Variants in SLC5A12 observed in about 807,000 individuals in gnomAD.
SLC5A12 encodes the protein sodium-coupled monocarboxylate transporter 2.
Under a neutral mutation model 72.7 loss-of-function variants are expected in SLC5A12, and 46 were observed. That is an observed-to-expected ratio of 0.63 (90% CI 0.50 to 0.81). The LOEUF (loss-of-function observed/expected upper bound fraction) is 0.81. Among genes scored for constraint, SLC5A12 ranks in the 30% least tolerant of loss-of-function variants. SLC5A12 has a pLI of 0.00. For synonymous variants in SLC5A12, 275 were observed against 264.4 expected, an observed-to-expected ratio of 1.04 and a Z score of -0.39; for missense variants, 683 against 740.7, an observed-to-expected ratio of 0.92 and a Z score of 0.90.
rs191210310 is a variant in SLC5A12 at position 26,714,499 on chromosome 11, G to A, written c.340-1793C>T. On this transcript the variant is annotated intron_variant, in intron 1 of 14. Coordinates refer to ENST00000396005, the MANE Select transcript of SLC5A12 (RefSeq NM_178498.4). ...TCTCATTTACTGTTTTGGAGATTAG[G>A]AAAAGTTTTTCTCAGTAAGTATTCT... Among the ~76,000 whole-genome samples, 3 of 152,136 alleles carry A rather than the reference G, an allele frequency of 2.0e-5. No homozygotes were observed. The East Asian group carries it at 5.8e-4, about 29-fold the overall frequency.
In SLC5A12 at chr11:26,692,742, T is replaced by C. The variant is rs943375179; in HGVS notation, c.1041-141A>G. On this transcript the variant is annotated intron_variant, in intron 8 of 14. Coordinates refer to ENST00000396005, the MANE Select transcript of SLC5A12 (RefSeq NM_178498.4). ...TATATCTCTATCTTCTGAGACTCCA[T>C]GGGAACTATATGGCCTCTTTACTCA... 3 of 602,180 alleles carry C rather than the reference T, an allele frequency of 5.0e-6. 1 individual carries two copies. In the African/African-American group the frequency reaches 5.6e-5, roughly 11 times the overall value. 37.3% of individuals were successfully genotyped at this position (602,180 alleles called of 1,614,324 possible).
At chr11:26,672,928 C>G (rs1357854896) in intron 14 of SLC5A12, among the ~76,000 whole-genome samples, 3 of 152,106 alleles carry the variant, frequency 2.0e-5, no homozygotes, top group African/African-American at 7.2e-5. Context: ...CCATGTTGCT[C>G]TGTATAATAC....
At chr11:26,713,744 C>T (rs1450051053) in intron 1 of SLC5A12, among the ~76,000 whole-genome samples, 2 of 152,082 alleles carry the variant, frequency 1.3e-5, no homozygotes, top group Non-Finnish European at 2.9e-5. Flanking sequence ...AATTTGTTGT[C>T]TTTAAACAAC....
rs981051208 is a variant in SLC5A12, at chr11:26,721,825, T to C, written c.-111A>G. On this transcript the variant is annotated 5_prime_UTR_variant, in exon 1 of 15. Coordinates refer to ENST00000396005, the MANE Select transcript of SLC5A12 (RefSeq NM_178498.4). ...GCTTTGCTGAGAGGAGAGACTGTGA[T>C]TCCCTGAAGAAAATGATTACCAGAG... 1.4e-5 allele frequency: 13 copies of C among 918,360 alleles called. No individual in the cohort carries two copies. Among genetic ancestry groups the C allele is most frequent in the Admixed American group, 6.9e-5 (3 of 43,372 alleles). The allele number at this position is 918,360 out of a possible 1,614,324, so 56.9% of individuals were successfully genotyped here.
intron 4 of SLC5A12, among the ~76,000 whole-genome samples, chr11:26,708,710 T>A (rs1590735787): frequency 6.6e-6 from 1 of 152,200 alleles, no homozygotes; most frequent in East Asian, 1.9e-4. Flanking sequence ...AGGTGCTCAA[T>A]GAATGTTTAA....
At chr11:26,706,177 A>G (rs372354721) in intron 4 of SLC5A12, among the ~76,000 whole-genome samples, 18 of 152,158 alleles carry the variant, frequency 1.2e-4, no homozygotes, top group African/African-American at 4.3e-4. Context: ...CGGCAATATG[A>G]GCAAAGGTGA....
Position 26,670,928 on chromosome 11 carries a change from G to C in SLC5A12, c.*174C>G, listed in dbSNP as rs557590498. ...GTTGGAGTCTTTCAAAGAATATCCC[G>C]AGAGACAGTCATTTTGCATGTAGTT... On this transcript the variant is annotated 3_prime_UTR_variant, in exon 15 of 15. Transcript: ENST00000396005. 9.6e-6 allele frequency: 5 copies of C among 519,982 alleles called. No individual in the cohort carries two copies. The highest frequency in any genetic ancestry group is 1.6e-5 in the Non-Finnish European group (5 of 322,324). The allele number at this position is 519,982 out of a possible 1,614,324, so 32.2% of individuals were successfully genotyped here.
intron 13 of SLC5A12, among the ~76,000 whole-genome samples, chr11:26,676,874 G>A (rs1590706706): frequency 2.0e-5 from 3 of 152,066 alleles, no homozygotes; most frequent in South Asian, 2.1e-4. Context: ...TCGAGGTGCC[G>A]TATTTTATCT....
At chr11:26,697,457 A>G (rs1854849769) in intron 7 of SLC5A12, among the ~76,000 whole-genome samples, 1 of 152,102 alleles carries the variant, frequency 6.6e-6, no homozygotes, top group African/African-American at 2.4e-5. Flanking sequence ...CCTGAATGTT[A>G]GCAACTAAGC....
At chr11:26,707,253 A>G (rs1320203611) in intron 4 of SLC5A12, among the ~76,000 whole-genome samples, 2 of 151,652 alleles carry the variant, frequency 1.3e-5, no homozygotes, top group Non-Finnish European at 2.9e-5. Context: ...CTCCATTTGT[A>G]TTTGCTGTTC....
At chr11:26,711,269 A>G in intron 3 of SLC5A12, 38 bp downstream of exon 3, 1 of 1,578,076 alleles carries the variant, frequency 6.3e-7, no homozygotes, top group Admixed American at 1.7e-5. Flanking sequence ...TCAGGCATAA[A>G]AATGGTAAAA....
At chr11:26,710,959 G>T (rs886395517) in intron 3 of SLC5A12, among the ~76,000 whole-genome samples, 4 of 151,862 alleles carry the variant, frequency 2.6e-5, no homozygotes, top group African/African-American at 9.7e-5. Flanking sequence ...TCTACTTCAT[G>T]AGATTACTGA....
intron 13 of SLC5A12, 49 bp downstream of exon 13, chr11:26,678,663 G>T: frequency 7.4e-7 from 1 of 1,344,552 alleles, no homozygotes; most frequent in Non-Finnish European, 1.1e-6. Context: ...ACCAATGCAT[G>T]CATGAGCCCA....
At chr11:26,717,825 T>C (rs1855386784) in intron 1 of SLC5A12, among the ~76,000 whole-genome samples, 1 of 152,178 alleles carries the variant, frequency 6.6e-6, no homozygotes, top group Non-Finnish European at 1.5e-5. Flanking sequence ...GTAACTTGTA[T>C]TGGCTGTTGG....
chr11:26,718,205 C>T (rs1271823266), intron 1 of SLC5A12, among the ~76,000 whole-genome samples: 1 of 152,132 alleles, frequency 6.6e-6, no homozygotes, highest in African/African-American at 2.4e-5. Flanking sequence ...AAGATAGCAA[C>T]AACAATGATC....
At chr11:26,676,214 CT>C (rs552346515) in intron 13 of SLC5A12, among the ~76,000 whole-genome samples, 37 of 152,144 alleles carry the variant, frequency 2.4e-4, no homozygotes, top group Admixed American at 7.2e-4. Flanking sequence ...ACAAAGATTA[CT>C]TTTTTATGTT....
At chr11:26,673,633 A>C in intron 13 of SLC5A12, 104 bp from the exon 14 acceptor site, 2 of 1,397,110 alleles carry the variant, frequency 1.4e-6, no homozygotes, top group Non-Finnish European at 1.9e-6. Context: ...TTTTAGAATA[A>C]GAGTGAAAAC....
intron 12 of SLC5A12, among the ~76,000 whole-genome samples, chr11:26,680,306 TATATATATATGTATATATATTC>T (rs1379635728): frequency 0.067 from 1,418 of 21,028 alleles, 112 homozygotes; most frequent in African/African-American, 0.12. Context: ...TATATATTCA[TATATATATATGTATATATATTC>T]ATATATATAT....
chr11:26,709,607 T>A (rs971671288), intron 3 of SLC5A12, among the ~76,000 whole-genome samples: 2 of 152,232 alleles, frequency 1.3e-5, no homozygotes, highest in Admixed American at 1.3e-4. Flanking sequence ...TAAGTCAAAT[T>A]GTTCCTCCTA....
Sources: allele counts gnomAD v4.1 joint callset (sites outside exome capture counted in the v4.1 genomes callset), GRCh38; gene constraint gnomAD v4.1.1; transcripts MANE v1.5; gene names NCBI Gene and HGNC (gene_info 2026-07-23, HGNC 2026-07-21).